Variants in ESCO1 observed in about 807,000 individuals in gnomAD.
The protein encoded by ESCO1 is N-acetyltransferase ESCO1.
Under a neutral mutation model 83.5 loss-of-function variants are expected in ESCO1, and 33 were observed. The observed-to-expected ratio is 0.40, with a 90% CI of 0.30 to 0.53. ESCO1 has a LOEUF of 0.53. ESCO1 is among the 20% of genes least tolerant of loss of function. The pLI, the probability that ESCO1 is intolerant of heterozygous loss-of-function variation, is 0.63. For synonymous variants in ESCO1, 332 were observed against 324.3 expected (o/e 1.02, Z -0.25); for missense variants, 855 against 968.0 (o/e 0.88, Z 1.55).
In ESCO1 at chr18:21,573,558, A is replaced by G; in HGVS notation, c.1286T>C (p.Met429Thr). Residue 429 changes from methionine (M) to threonine (T), a missense_variant, in exon 4 of 12, where the codon ATG becomes ACG. Physicochemically the swap from Met to Thr is moderately conservative, Grantham distance 81. This residue lies in a region of ESCO1 where 726 missense variants were observed against 699.5 expected (regional missense o/e 1.04). Coordinates refer to ENST00000269214, the MANE Select transcript of ESCO1 (RefSeq NM_052911.3). The stretch of plus-strand genomic sequence containing the variant: ...CGTACTTTGAGTCACTGGATGATGC[A>G]TTTCTAAAGCTGGTGGTGAAAAACT... Reference protein sequence around the residue: ...RTSFSPPALEMHHPVTQSTFL... With the variant: ...RTSFSPPALETHHPVTQSTFL... 1 of 1,614,112 alleles carries G rather than the reference A, an allele frequency of 6.2e-7. No homozygotes were observed. Among genetic ancestry groups the G allele is most frequent in the South Asian group, 1.1e-5 (1 of 91,084 alleles).
intron 8 of ESCO1, 38 bp downstream of exon 8, chr18:21,560,821 C>T (rs2038175159): frequency 1.3e-6 from 2 of 1,588,060 alleles, no homozygotes; most frequent in East Asian, 2.2e-5. Context: ...ACCTAATTAT[C>T]TGATTTTTGC....
At chr18:21,570,556 CACAA>C (rs575942927) in intron 4 of ESCO1, among the ~76,000 whole-genome samples, 7 of 152,124 alleles carry the variant, frequency 4.6e-5, no homozygotes, top group African/African-American at 1.4e-4. Context: ...AACACTGAAA[CACAA>C]ACAAAGCTAA....
At position 21,530,509 on chromosome 18, in the gene ESCO1, G is replaced by C. The variant is rs768558611; in HGVS notation, c.2376-19C>G. Reference sequence around the variant, plus strand: ...GTTACTCCTATTAAAAAAAAATGGGGGGGGGGAAGGGTTAAGTGTGAAATG... The same window carrying C: ...GTTACTCCTATTAAAAAAAAATGGGCGGGGGGAAGGGTTAAGTGTGAAATG... On this transcript the variant is annotated intron_variant, in intron 11 of 11. Coordinates refer to ENST00000269214, the MANE Select transcript of ESCO1 (RefSeq NM_052911.3). 7 of 1,435,968 alleles carry C rather than the reference G, an allele frequency of 4.9e-6. No homozygotes were observed. The highest frequency in any genetic ancestry group is 2.6e-5 in the East Asian group (1 of 38,792). The allele number at this position is 1,435,968 out of a possible 1,614,324, so 89.0% of individuals were successfully genotyped here.
In ESCO1 at chr18:21,540,018, AT is replaced by A. The variant is rs2037884457; in HGVS notation, c.1954-10del. On this transcript the variant is annotated splice_polypyrimidine_tract_variant and intron_variant, in intron 8 of 11. Coordinates refer to ENST00000269214, the MANE Select transcript of ESCO1 (RefSeq NM_052911.3). ...CTTTCTTTCTTCCAGCCCTAGATAT[AT>A]ATATATATATATACACACATATGTA... is the stretch of plus-strand genomic sequence containing the variant. 1.4e-6 allele frequency: 2 copies of A among 1,462,070 alleles called. No individual in the cohort carries two copies. Among genetic ancestry groups the A allele is most frequent in the East Asian group, 2.5e-5 (1 of 40,058 alleles). The allele number at this position is 1,462,070 out of a possible 1,614,324, so 90.6% of individuals were successfully genotyped here.
At chr18:21,590,922 CGACA>C (rs1568114328) in intron 1 of ESCO1, among the ~76,000 whole-genome samples, 1 of 150,162 alleles carries the variant, frequency 6.7e-6, no homozygotes, top group Non-Finnish European at 1.5e-5. Flanking sequence ...TCCAGCCTCA[CGACA>C]GAGCGAGACT....
intron 7 of ESCO1, among the ~76,000 whole-genome samples, chr18:21,563,522 A>G (rs1164487439): frequency 1.3e-5 from 2 of 151,846 alleles, no homozygotes; most frequent in Admixed American, 1.3e-4. Flanking sequence ...TAATTTTTGC[A>G]TTTTTAGTAG....
intron 3 of ESCO1, 37 bp downstream of exon 3, chr18:21,575,635 T>G (rs904514292): frequency 2.8e-5 from 11 of 398,258 alleles, no homozygotes; most frequent in African/African-American, 2.1e-4. Flanking sequence ...AAGCATAGAA[T>G]AGTTGAAAAT....
chr18:21,567,352 C>T (rs1049304179), intron 5 of ESCO1, among the ~76,000 whole-genome samples: 18 of 151,754 alleles, frequency 1.2e-4, no homozygotes, highest in East Asian at 3.9e-4. Flanking sequence ...TAAATAGAAA[C>T]GGAGGTCTCA....
chr18:21,583,743 G>A (rs1218215535), intron 2 of ESCO1, among the ~76,000 whole-genome samples: 1 of 152,160 alleles, frequency 6.6e-6, no homozygotes, highest in Non-Finnish European at 1.5e-5. Context: ...GAGAGAGGGA[G>A]ATTAACTTTT....
intron 1 of ESCO1, among the ~76,000 whole-genome samples, chr18:21,594,509 G>T (rs1291004241): frequency 2.0e-5 from 3 of 152,120 alleles, no homozygotes; most frequent in Non-Finnish European, 4.4e-5. Context: ...TTCGAGACCA[G>T]CCTGGCCAAC....
intron 1 of ESCO1, chr18:21,593,095 TCA>T (rs1271817575): frequency 6.1e-6 from 1 of 162,608 alleles, no homozygotes; most frequent in East Asian, 2.0e-4. Context: ...GAGACGCTCC[TCA>T]CTTTCCAGAC....
intron 1 of ESCO1, chr18:21,593,152 G>A (rs1195981983): frequency 1.4e-3 from 230 of 170,032 alleles, no homozygotes; most frequent in African/African-American, 5.5e-3. Flanking sequence ...GACGATGGGT[G>A]GCCAGGCAGA....
rs1598978521 is a variant in ESCO1 at position 21,540,111 on chromosome 18, T to C, written c.1954-102A>G. ...ACAAGATAAAAAGTACATCAATTTG[T>C]CTAAAAATTGCAAACATGAAAAATA... On this transcript the variant is annotated intron_variant, in intron 8 of 11. Transcript: ENST00000269214. The C allele has an allele frequency of 3.6e-6, 4 of 1,107,402 alleles. 1 individual carries two copies. The South Asian group carries it at 6.9e-5, about 19-fold the overall frequency. 68.6% of individuals were successfully genotyped at this position (1,107,402 alleles called of 1,614,324 possible).
intron 1 of ESCO1, among the ~76,000 whole-genome samples, chr18:21,589,238 CAAA>C (rs1167027796): frequency 2.6e-5 from 3 of 116,474 alleles, no homozygotes; most frequent in Non-Finnish European, 1.8e-5. Flanking sequence ...GACTCCGTCT[CAAA>C]AAAAAAAAAA....
intron 6 of ESCO1, 73 bp downstream of exon 6, chr18:21,566,073 T>C: frequency 1.4e-6 from 2 of 1,390,224 alleles, no homozygotes; most frequent in East Asian, 2.3e-5. Flanking sequence ...CATAACTTTT[T>C]AGGGAAGAAT....
At chr18:21,547,926 A>C (rs1471333513) in intron 8 of ESCO1, among the ~76,000 whole-genome samples, 1 of 151,900 alleles carries the variant, frequency 6.6e-6, no homozygotes, top group Non-Finnish European at 1.5e-5. Context: ...ACAAGGTGAA[A>C]CCCTGTCTCT....
rs78867474 is a variant in ESCO1 at position 21,599,580 on chromosome 18, T to C, written c.-825+1043A>G. Among the ~76,000 whole-genome samples the C allele has an allele frequency of 7.4e-3, 1,122 of 152,302 alleles. 16 individuals are homozygous for C. The highest frequency in any genetic ancestry group is 0.025 in the African/African-American group (1,058 of 41,556). On this transcript the variant is annotated intron_variant, in intron 1 of 11. Coordinates refer to ENST00000269214, the MANE Select transcript of ESCO1 (RefSeq NM_052911.3). ...CCTGCGAAGCTTATTTATTGAGATA[T>C]CGTTTTGTAATACTATCTAGATACT...
At chr18:21,567,861 A>G (rs982839470) in intron 5 of ESCO1, 119 bp downstream of exon 5, 4 of 670,656 alleles carry the variant, frequency 6.0e-6, no homozygotes, top group Middle Eastern at 4.2e-4. Flanking sequence ...CATATTTGAA[A>G]AATACAGCAA....
chr18:21,553,782 G>A (rs1239650071), intron 8 of ESCO1, among the ~76,000 whole-genome samples: 4 of 150,912 alleles, frequency 2.7e-5, no homozygotes, highest in East Asian at 2.0e-4. Flanking sequence ...GCTTGAACCC[G>A]AGAGGTGGAG....
Sources: allele counts gnomAD v4.1 joint callset (sites outside exome capture counted in the v4.1 genomes callset), GRCh38; gene constraint gnomAD v4.1.1; regional missense constraint gnomAD v4.1.1; transcripts MANE v1.5; gene names NCBI Gene and HGNC (gene_info 2026-07-23, HGNC 2026-07-21).